The following ADCY2 variants were observed in gnomAD, a reference collection of about 807,000 sequenced individuals.
ADCY2 encodes adenylate cyclase type 2.
In ADCY2, 31 loss-of-function variants were observed where a neutral mutation model predicts 125.2. That is an observed-to-expected ratio of 0.25 (90% CI 0.19 to 0.33). ADCY2 has a LOEUF of 0.33. Ranked by LOEUF, ADCY2 falls within the 10% of genes least tolerant of loss-of-function variation. The pLI is 1.00. For synonymous variants in ADCY2, 512 were observed against 548.4 expected, an observed-to-expected ratio of 0.93 and a Z score of 0.93; for missense variants, 904 against 1,418.2, an observed-to-expected ratio of 0.64 and a Z score of 5.82.
At chr5:7,765,379 T>C (rs1743346465) in intron 16 of ADCY2, among the ~76,000 whole-genome samples, 1 of 152,220 alleles carries the variant, frequency 6.6e-6, no homozygotes, top group Non-Finnish European at 1.5e-5. Context: ...TCCATTCGTA[T>C]AAGTTTTTCC....
intron 12 of ADCY2, among the ~76,000 whole-genome samples, chr5:7,719,535 C>G (rs1741697085): frequency 6.6e-6 from 1 of 152,188 alleles, no homozygotes; most frequent in African/African-American, 2.4e-5. Flanking sequence ...TTGTTTCCTG[C>G]TATTGCCATA....
At chr5:7,615,726 G>A (rs902272172) in intron 3 of ADCY2, among the ~76,000 whole-genome samples, 1 of 152,182 alleles carries the variant, frequency 6.6e-6, no homozygotes, top group African/African-American at 2.4e-5. Flanking sequence ...CTACTCTTGA[G>A]ATAGTTCATA....
At chr5:7,448,864 A>G (rs1201295528) in intron 2 of ADCY2, among the ~76,000 whole-genome samples, 1 of 152,066 alleles carries the variant, frequency 6.6e-6, no homozygotes, top group Non-Finnish European at 1.5e-5. Context: ...CATTTTCTTT[A>G]TCCAGTCTAT....
chr5:7,487,397 A>C (rs1044225568), intron 2 of ADCY2, among the ~76,000 whole-genome samples: 2 of 151,808 alleles, frequency 1.3e-5, no homozygotes, highest in African/African-American at 4.8e-5. Flanking sequence ...ATAGCACACC[A>C]TTTTCCTTTT....
chr5:7,752,050 G>C (rs953359405), intron 15 of ADCY2, among the ~76,000 whole-genome samples: 4 of 152,216 alleles, frequency 2.6e-5, no homozygotes, highest in African/African-American at 9.7e-5. Flanking sequence ...CATTTGGCCA[G>C]AGACAAGCAT....
intron 3 of ADCY2, among the ~76,000 whole-genome samples, chr5:7,553,730 C>A (rs1396420122): frequency 6.6e-6 from 1 of 152,056 alleles, no homozygotes; most frequent in Non-Finnish European, 1.5e-5. Flanking sequence ...GGCGAGATGG[C>A]CTTGCTCCCA....
intron 2 of ADCY2, among the ~76,000 whole-genome samples, chr5:7,460,428 C>T (rs988458098): frequency 4.6e-5 from 7 of 152,126 alleles, no homozygotes; most frequent in African/African-American, 1.7e-4. Context: ...ATGCTGCCAA[C>T]ATACACTAGG....
chr5:7,420,383 C>T (rs1740149637), intron 2 of ADCY2, among the ~76,000 whole-genome samples: 1 of 152,000 alleles, frequency 6.6e-6, no homozygotes, highest in African/African-American at 2.4e-5. Context: ...AGTGTGTGCC[C>T]CTGAGAAAGT....
intron 2 of ADCY2, among the ~76,000 whole-genome samples, chr5:7,456,921 G>A (rs898380770): frequency 3.3e-5 from 5 of 152,054 alleles, no homozygotes; most frequent in East Asian, 1.9e-4. Context: ...TTCTCATTCC[G>A]CTTGTTTGTA....
intron 4 of ADCY2, among the ~76,000 whole-genome samples, chr5:7,633,202 G>A (rs1243394247): frequency 6.6e-6 from 1 of 151,892 alleles, no homozygotes; most frequent in Non-Finnish European, 1.5e-5. Context: ...AGGCCGAGGC[G>A]GGCGGATCAC....
rs969646107 is a variant in ADCY2, at chr5:7,757,880, G to A, written c.2094+294G>A. ...ACAGCAGTCATTTCTCTAAGGAAAG[G>A]GGTGCTTTCACAGAGCCACCTTGAG... On this transcript the variant is annotated intron_variant, in intron 16 of 24. Transcript: ENST00000338316. Among the ~76,000 whole-genome samples the A allele has an allele frequency of 3.3e-5, 5 of 152,130 alleles. No individual in the cohort carries two copies. The East Asian group carries it at 9.6e-4, about 29-fold the overall frequency.
intron 4 of ADCY2, among the ~76,000 whole-genome samples, chr5:7,630,443 A>G (rs775314243): frequency 1.4e-4 from 22 of 152,158 alleles, no homozygotes; most frequent in Non-Finnish European, 2.6e-4. Flanking sequence ...TTAAGTTTTT[A>G]TAATGTCCTG....
intron 20 of ADCY2, among the ~76,000 whole-genome samples, chr5:7,790,050 GATTTTTTCCCCAATC>G (rs1468551368): frequency 3.9e-5 from 6 of 152,212 alleles, no homozygotes; most frequent in African/African-American, 1.4e-4. Context: ...CATTATTAGA[GATTTTTTCCCCAATC>G]ATGTAAAGTT....
Position 7,557,201 on chromosome 5 carries a change from A to ATATATATATATATATATATATATATG in ADCY2, c.570+36302_570+36303insTATATATATATATATATATATATATG. On this transcript the variant is annotated intron_variant, in intron 3 of 24. Transcript: ENST00000338316. Reference sequence around the variant, plus strand: ...CACATATTATATATGTGATATATATAACTCAAGTGAGTGTATCTAAATGAC... The same window carrying ATATATATATATATATATATATATATG: ...CACATATTATATATGTGATATATATATATATATATATATATATATATATATGACTCAAGTGAGTGTATCTAAATGAC... Among the ~76,000 whole-genome samples, 209 of 140,088 alleles carry ATATATATATATATATATATATATATG rather than the reference A, an allele frequency of 1.5e-3. 5 individuals are homozygous for ATATATATATATATATATATATATATG. The highest frequency in any genetic ancestry group is 4.4e-3 in the African/African-American group (168 of 37,892). 91.9% of individuals were successfully genotyped at this position (140,088 alleles called of 152,430 possible). A position where few individuals can be genotyped will look rare whatever the true frequency, so the allele number is the denominator to read the frequency against.
intron 4 of ADCY2, chr5:7,653,876 T>G (rs1338276784): frequency 4.2e-6 from 1 of 238,182 alleles, no homozygotes; most frequent in African/African-American, 2.2e-5. Flanking sequence ...CTTTCAAAAA[T>G]TATAAATTCT....
chr5:7,499,654 T>TATATAC (rs1743479600), intron 2 of ADCY2, among the ~76,000 whole-genome samples: 2 of 38,156 alleles, frequency 5.2e-5, no homozygotes, highest in Non-Finnish European at 1.4e-4. Context: ...GGTGGATATA[T>TATATAC]ATATATATAT....
intron 20 of ADCY2, chr5:7,796,783 T>C (rs1282738797): frequency 1.3e-5 from 2 of 152,366 alleles, no homozygotes; most frequent in Non-Finnish European, 1.5e-5. Context: ...CGGAAGCCTG[T>C]TCTCCCCACC....
At chr5:7,471,767 A>G (rs752892789) in intron 2 of ADCY2, among the ~76,000 whole-genome samples, 8 of 151,588 alleles carry the variant, frequency 5.3e-5, no homozygotes, top group Non-Finnish European at 1.0e-4. Context: ...AAAAAGTGTC[A>G]TTTTTTCCAT....
chr5:7,603,663 A>G, intron 3 of ADCY2, among the ~76,000 whole-genome samples: 1 of 151,762 alleles, frequency 6.6e-6, no homozygotes, highest in Non-Finnish European at 1.5e-5. Flanking sequence ...ATACCCACAG[A>G]TGTTCTAATA....
Sources: gnomAD v4.1 joint callset for allele counts (sites outside exome capture counted in the v4.1 genomes callset) on GRCh38, gnomAD v4.1.1 for gene constraint, MANE v1.5 for transcripts, NCBI Gene and HGNC (gene_info 2026-07-23, HGNC 2026-07-21) for gene names.